RUNX1T1: variants seen among roughly 807,000 people sequenced by gnomAD.
RUNX1T1 encodes RUNX1 partner transcriptional co-repressor 1.
RUNX1T1 carries 4 observed loss-of-function variants against 62.8 expected under a neutral mutation model. The ratio of observed to expected loss-of-function variants is 0.06; its 90% CI spans 0.03 to 0.15. RUNX1T1 has a LOEUF of 0.15. Ranked by LOEUF, RUNX1T1 falls within the 10% of genes least tolerant of loss-of-function variation. The pLI is 1.00. For synonymous variants in RUNX1T1, 291 were observed against 286.0 expected, an observed-to-expected ratio of 1.02 and a Z score of -0.18; for missense variants, 508 against 754.3, an observed-to-expected ratio of 0.67 and a Z score of 3.82.
chr8:92,097,474 T>C (rs1030196407), intron 1 of RUNX1T1, among the ~76,000 whole-genome samples: 3 of 152,146 alleles, frequency 2.0e-5, no homozygotes, highest in Non-Finnish European at 4.4e-5. Context: ...CCCCACCCTT[T>C]ATTGCATTTT....
At chr8:92,046,050 C>A (rs930626462) in intron 1 of RUNX1T1, among the ~76,000 whole-genome samples, 1 of 152,100 alleles carries the variant, frequency 6.6e-6, no homozygotes, top group Non-Finnish European at 1.5e-5. Context: ...AGGAAGCCTA[C>A]CCCATGGCCT....
chr8:92,076,990 G>A (rs1456183387), intron 1 of RUNX1T1, among the ~76,000 whole-genome samples: 2 of 152,042 alleles, frequency 1.3e-5, no homozygotes, highest in Admixed American at 6.6e-5. Flanking sequence ...TGCAAGGGAA[G>A]AAAGATTTCT....
At chr8:92,034,102 C>T (rs542652221) in intron 1 of RUNX1T1, among the ~76,000 whole-genome samples, 18 of 151,974 alleles carry the variant, frequency 1.2e-4, no homozygotes, top group Non-Finnish European at 2.2e-4. Context: ...TTATCTATAG[C>T]GGTTGGAGCA....
intron 10 of RUNX1T1, among the ~76,000 whole-genome samples, chr8:91,965,603 C>T (rs1309314054): frequency 6.6e-6 from 1 of 152,120 alleles, no homozygotes; most frequent in Non-Finnish European, 1.5e-5. Flanking sequence ...TAGGTACCTC[C>T]ACCAGGATGC....
rs556614628 is a variant in RUNX1T1 at position 92,000,013 on chromosome 8, T to C, written c.659+5103A>G. Among the ~76,000 whole-genome samples the C allele has an allele frequency of 2.6e-5, 4 of 152,220 alleles. No individual in the cohort carries two copies. The East Asian group carries it at 5.8e-4, about 22-fold the overall frequency. ...AACTGTGTTATCTTTAACATATAAA[T>C]GTAATTTTGTGGCTCGGTACAGTGG... On this transcript the variant is annotated intron_variant, in intron 5 of 10. Coordinates refer to ENST00000396218, the Ensembl canonical transcript of RUNX1T1.
At chr8:92,000,182 C>CG (rs1233617079) in intron 5 of RUNX1T1, among the ~76,000 whole-genome samples, 1 of 151,944 alleles carries the variant, frequency 6.6e-6, no homozygotes, top group Non-Finnish European at 1.5e-5. Flanking sequence ...TGGCAGGCAT[C>CG]TGATACCTCT....
At chr8:92,055,850 T>C (rs1304945504) in intron 1 of RUNX1T1, among the ~76,000 whole-genome samples, 2 of 152,216 alleles carry the variant, frequency 1.3e-5, no homozygotes, top group Non-Finnish European at 2.9e-5. Context: ...ACAAATATAA[T>C]GCTAAAGCAA....
chr8:92,076,156 G>C lies in RUNX1T1; in HGVS notation c.-85-19C>G, dbSNP rs1190889632. ...ATCTTTTCTATTGACAACAACAAAG[G>C]GAAAAAAAATGCATATATCACAACC... On this transcript the variant is annotated intron_variant, in intron 1 of 11. Transcript: ENST00000265814. 1 of 1,486,776 alleles carries C rather than the reference G, an allele frequency of 6.7e-7. No homozygotes were observed. Among genetic ancestry groups the C allele is most frequent in the Non-Finnish European group, 8.9e-7 (1 of 1,126,184 alleles). 92.1% of individuals were successfully genotyped at this position (1,486,776 alleles called of 1,614,324 possible). A position where few individuals can be genotyped will look rare whatever the true frequency, so the allele number is the denominator to read the frequency against.
At chr8:92,034,803 C>CATATATAT (rs1563811111) in intron 1 of RUNX1T1, among the ~76,000 whole-genome samples, 1,589 of 98,966 alleles carry the variant, frequency 0.016, 85 homozygotes, top group African/African-American at 0.061. Context: ...TATATACACA[C>CATATATAT]ACACACACAC....
chr8:91,992,152 G>A (rs949961879), intron 5 of RUNX1T1, among the ~76,000 whole-genome samples: 1 of 152,108 alleles, frequency 6.6e-6, no homozygotes, highest in Non-Finnish European at 1.5e-5. Flanking sequence ...ATGTGGTTAA[G>A]TCACAAACAA....
intron 1 of RUNX1T1, among the ~76,000 whole-genome samples, chr8:92,027,491 T>G (rs1211099395): frequency 6.6e-6 from 1 of 152,188 alleles, no homozygotes; most frequent in Non-Finnish European, 1.5e-5. Flanking sequence ...ATTCAGACCT[T>G]TCAGTTGCTT....
chr8:92,012,282 C>T (rs974358146), intron 3 of RUNX1T1, among the ~76,000 whole-genome samples: 8 of 152,114 alleles, frequency 5.3e-5, no homozygotes, highest in Non-Finnish European at 8.8e-5. Context: ...GTGGCTCACG[C>T]CTGTAATCCC....
At chr8:92,092,674 A>G (rs1837212060) in intron 1 of RUNX1T1, among the ~76,000 whole-genome samples, 1 of 152,202 alleles carries the variant, frequency 6.6e-6, no homozygotes, top group South Asian at 2.1e-4. Flanking sequence ...AGGTTATTTT[A>G]AAATAAATTT....
At chr8:92,089,078 G>A (rs1436281734) in intron 1 of RUNX1T1, among the ~76,000 whole-genome samples, 1 of 152,084 alleles carries the variant, frequency 6.6e-6, no homozygotes, top group African/African-American at 2.4e-5. Flanking sequence ...TTACTTCCAA[G>A]CCAAACCAAT....
At chr8:92,089,577 C>T (rs1836656528) in intron 1 of RUNX1T1, among the ~76,000 whole-genome samples, 1 of 152,104 alleles carries the variant, frequency 6.6e-6, no homozygotes, top group African/African-American at 2.4e-5. Flanking sequence ...ACCTCAGCCC[C>T]TAGCCCCTCA....
intron 1 of RUNX1T1, among the ~76,000 whole-genome samples, chr8:92,098,973 AATGGCTGTGG>A (rs1344513380): frequency 2.6e-5 from 4 of 152,214 alleles, no homozygotes; most frequent in African/African-American, 9.6e-5. Flanking sequence ...CTCTTATATT[AATGGCTGTGG>A]AAAAAAAGTG....
At chr8:92,026,542 C>A (rs528044145) in intron 1 of RUNX1T1, among the ~76,000 whole-genome samples, 1 of 152,344 alleles carries the variant, frequency 6.6e-6, no homozygotes, top group South Asian at 2.1e-4. Flanking sequence ...CATCTTCCGG[C>A]TGGGCACAGT....
rs566618730 is a variant in RUNX1T1 at position 92,005,061 on chromosome 8, T to C, written c.659+55A>G. The C allele has an allele frequency of 1.3e-4, 194 of 1,447,522 alleles. 4 individuals carry two copies. In the South Asian group the frequency reaches 1.9e-3, roughly 14 times the overall value. 89.7% of individuals were successfully genotyped at this position (1,447,522 alleles called of 1,614,324 possible). A position where few individuals can be genotyped will look rare whatever the true frequency, so the allele number is the denominator to read the frequency against. The stretch of plus-strand genomic sequence containing the variant: ...AATTGTGACATGAAATGTTTCCTCA[T>C]GCCACAGGTATGGGAAAAAGGTCAT... On this transcript the variant is annotated intron_variant, in intron 5 of 10. Coordinates refer to ENST00000396218, the Ensembl canonical transcript of RUNX1T1.
intron 1 of RUNX1T1, among the ~76,000 whole-genome samples, chr8:92,084,774 A>G (rs1159846531): frequency 6.6e-6 from 1 of 152,150 alleles, no homozygotes; most frequent in Non-Finnish European, 1.5e-5. Context: ...AGGTGTCCAA[A>G]CGTGAAGCAA....
Sources: gnomAD v4.1 joint callset for allele counts (sites outside exome capture counted in the v4.1 genomes callset) on GRCh38, gnomAD v4.1.1 for gene constraint, MANE v1.5 for transcripts, NCBI Gene and HGNC (gene_info 2026-07-23, HGNC 2026-07-21) for gene names.